WDR70: variants seen among roughly 807,000 people sequenced by gnomAD.
WDR70 encodes the protein WD repeat domain 70.
In WDR70, 53 loss-of-function variants were observed where a neutral mutation model predicts 88.6. That is an observed-to-expected ratio of 0.60 (90% CI 0.48 to 0.75). The LOEUF is 0.75. Ranked by LOEUF, WDR70 falls within the 30% of genes least tolerant of loss-of-function variation. WDR70 has a pLI of 0.00. For missense variants in WDR70, 610 were observed against 823.2 expected (o/e 0.74, Z 3.17); for synonymous variants, 280 against 270.0 (o/e 1.04, Z -0.36).
At chr5:37,484,006 G>T (rs896139872) in intron 8 of WDR70, among the ~76,000 whole-genome samples, 1 of 151,992 alleles carries the variant, frequency 6.6e-6, no homozygotes, top group Admixed American at 6.6e-5. Context: ...GGGCGGCCGG[G>T]CAGAGACGCT....
At chr5:37,664,374 A>G (rs1745780864) in intron 10 of WDR70, among the ~76,000 whole-genome samples, 1 of 152,178 alleles carries the variant, frequency 6.6e-6, no homozygotes, top group Admixed American at 6.5e-5. Context: ...CTGGTCTGTT[A>G]TTGAGTCCTA....
In WDR70 at chr5:37,752,476, T is replaced by C. The variant is rs776816608; in HGVS notation, c.1878-10T>C. 6 of 1,597,596 alleles carry C rather than the reference T, an allele frequency of 3.8e-6. No individual in the cohort carries two copies. The highest frequency in any genetic ancestry group is 4.3e-6 in the Non-Finnish European group (5 of 1,174,836). On this transcript the variant is annotated splice_polypyrimidine_tract_variant and intron_variant, in intron 17 of 17. Transcript: ENST00000265107. Reference sequence around the variant, plus strand: ...AAATTTTTCCTTCTCTTCTTTAACTTTTCTTTTAGGACTCAGCCCAAAACC... The same window carrying C: ...AAATTTTTCCTTCTCTTCTTTAACTCTTCTTTTAGGACTCAGCCCAAAACC...
chr5:37,469,742 A>G (rs1739267167), intron 7 of WDR70, among the ~76,000 whole-genome samples: 1 of 152,228 alleles, frequency 6.6e-6, no homozygotes, highest in South Asian at 2.1e-4. Flanking sequence ...GTTCTTAGTG[A>G]GGCCTGGGTG....
chr5:37,739,633 A>G (rs942109211), intron 17 of WDR70, among the ~76,000 whole-genome samples: 1 of 152,114 alleles, frequency 6.6e-6, no homozygotes, highest in Admixed American at 6.6e-5. Flanking sequence ...GAAGCACCCA[A>G]CAGAATATTT....
In WDR70 at chr5:37,535,754, T is replaced by C. The variant is rs548091648; in HGVS notation, c.917+19164T>C. Among the ~76,000 whole-genome samples the C allele has an allele frequency of 2.0e-5, 3 of 152,306 alleles. No individual in the cohort carries two copies. In the East Asian group the frequency reaches 5.8e-4, roughly 29 times the overall value. ...CATATTATATGTCTGAAGCACTTTA[T>C]ATTATGTTTTCTTCACAGCAGTCGG... On this transcript the variant is annotated intron_variant, in intron 9 of 17. Coordinates refer to ENST00000265107, the MANE Select transcript of WDR70 (RefSeq NM_018034.4).
intron 10 of WDR70, among the ~76,000 whole-genome samples, chr5:37,656,505 G>A (rs2112569116): frequency 6.6e-6 from 1 of 152,348 alleles, no homozygotes; most frequent in East Asian, 1.9e-4. Flanking sequence ...CTTCAGAGCT[G>A]GCAGGCAGGA....
chr5:37,442,793 C>T (rs1020504772), intron 6 of WDR70, among the ~76,000 whole-genome samples: 1 of 152,120 alleles, frequency 6.6e-6, no homozygotes, highest in Admixed American at 6.6e-5. Context: ...TTAAAGCTCC[C>T]TTGGTGTTAC....
intron 10 of WDR70, among the ~76,000 whole-genome samples, chr5:37,663,389 G>A (rs1351549396): frequency 1.3e-5 from 2 of 151,846 alleles, no homozygotes; most frequent in African/African-American, 2.4e-5. Context: ...TTTTCTACTC[G>A]ACTATCCCAG....
intron 9 of WDR70, among the ~76,000 whole-genome samples, chr5:37,562,959 T>C (rs1742563294): frequency 6.7e-6 from 1 of 149,440 alleles, no homozygotes; most frequent in African/African-American, 2.4e-5. Context: ...AATGAGCTGT[T>C]GAGTACACCT....
chr5:37,523,811 G>A (rs1417560556), intron 9 of WDR70, among the ~76,000 whole-genome samples: 1 of 152,204 alleles, frequency 6.6e-6, no homozygotes, highest in Non-Finnish European at 1.5e-5. Context: ...GAAAACCATG[G>A]CAGGAGAACT....
chr5:37,692,144 C>A (rs890027500), intron 10 of WDR70, among the ~76,000 whole-genome samples: 1 of 151,628 alleles, frequency 6.6e-6, no homozygotes, highest in Non-Finnish European at 1.5e-5. Context: ...CACCACCCCC[C>A]ACCCCTCGCA....
intron 10 of WDR70, among the ~76,000 whole-genome samples, chr5:37,623,963 C>T (rs1272217968): frequency 6.6e-6 from 1 of 152,020 alleles, no homozygotes; most frequent in Non-Finnish European, 1.5e-5. Context: ...TTCACTGTTA[C>T]GTTTTATTTG....
chr5:37,741,425 A>G (rs1367185430), intron 17 of WDR70, among the ~76,000 whole-genome samples: 2 of 152,000 alleles, frequency 1.3e-5, no homozygotes, highest in African/African-American at 4.8e-5. Context: ...GCTGTCTCCA[A>G]CCTTTTTGGC....
intron 8 of WDR70, among the ~76,000 whole-genome samples, chr5:37,510,738 A>G (rs1259581534): frequency 6.6e-6 from 1 of 152,228 alleles, no homozygotes; most frequent in Non-Finnish European, 1.5e-5. Flanking sequence ...CATTGTATAT[A>G]GTCATCATAT....
intron 10 of WDR70, among the ~76,000 whole-genome samples, chr5:37,651,069 C>T (rs567161331): frequency 1.8e-4 from 28 of 152,002 alleles, no homozygotes; most frequent in African/African-American, 6.3e-4. Flanking sequence ...CTCATCAACC[C>T]GTCGTCTACA....
At chr5:37,580,946 G>A (rs2112425358) in intron 9 of WDR70, among the ~76,000 whole-genome samples, 1 of 152,286 alleles carries the variant, frequency 6.6e-6, no homozygotes, top group Admixed American at 6.5e-5. Context: ...TCAGGGCCAT[G>A]GGAAGGTTAG....
At chr5:37,710,244 C>T (rs959501787) in intron 13 of WDR70, among the ~76,000 whole-genome samples, 2 of 151,950 alleles carry the variant, frequency 1.3e-5, no homozygotes, top group Admixed American at 6.6e-5. Flanking sequence ...AGAAAGCATA[C>T]GGTTCTGTGG....
intron 13 of WDR70, among the ~76,000 whole-genome samples, chr5:37,719,303 T>C (rs1581524909): frequency 6.6e-6 from 1 of 151,950 alleles, no homozygotes; most frequent in African/African-American, 2.4e-5. Flanking sequence ...TTTATATGTA[T>C]GCATTATAAA....
At position 37,478,011 on chromosome 5, in the gene WDR70, C is replaced by G. The variant is rs144469101; in HGVS notation, c.687-1823C>G. Among the ~76,000 whole-genome samples, 1,174 of 152,306 alleles carry G rather than the reference C, an allele frequency of 7.7e-3. 21 individuals are homozygous for G. Among genetic ancestry groups the G allele is most frequent in the African/African-American group, 0.027 (1,136 of 41,566 alleles). Reference sequence around the variant, plus strand: ...GTTAGTTGGATGTGACTGTCAGCTGCTTTCAGTCCTCCTTAATAGGGGCAG... The same window carrying G: ...GTTAGTTGGATGTGACTGTCAGCTGGTTTCAGTCCTCCTTAATAGGGGCAG... On this transcript the variant is annotated intron_variant, in intron 7 of 17. Transcript: ENST00000265107.
Sources: allele counts gnomAD v4.1 joint callset (sites outside exome capture counted in the v4.1 genomes callset), GRCh38; gene constraint gnomAD v4.1.1; transcripts MANE v1.5; gene names NCBI Gene and HGNC (gene_info 2026-07-23, HGNC 2026-07-21).